DRC11L: variants seen among roughly 807,000 people sequenced by gnomAD.
DRC11L encodes dynein regulatory complex subunit like-11.
chr7:151,194,594 C>T, the DRC11L span: 5 of 399,554 alleles, frequency 1.3e-5, no homozygotes, highest in Non-Finnish European at 2.2e-5. Flanking sequence ...AGAGACTCCA[C>T]AGACCTGGCA....
the DRC11L span, among the ~76,000 whole-genome samples, chr7:151,205,256 A>G: frequency 2.0e-5 from 3 of 152,128 alleles, no homozygotes; most frequent in African/African-American, 7.2e-5. Context: ...CCCTTCCCCA[A>G]GCAGAGCCCT....
the DRC11L span, among the ~76,000 whole-genome samples, chr7:151,201,135 G>A: frequency 6.6e-6 from 1 of 152,264 alleles, no homozygotes; most frequent in African/African-American, 2.4e-5. This position sits in a 1 kb window ranked among gnomAD's most constrained non-coding sequence, Gnocchi z 4.1. Context: ...CTGGGCAGAG[G>A]AAGGCAGAGT....
chr7:151,198,971 G>C, the DRC11L span: 1 of 398,978 alleles, frequency 2.5e-6, no homozygotes, highest in Non-Finnish European at 4.4e-6. Context: ...GGGAGATGAT[G>C]CTCAGGTGCT....
the DRC11L span, chr7:151,191,652 C>A: frequency 5.0e-6 from 2 of 399,190 alleles, no homozygotes; most frequent in African/African-American, 4.1e-5. Flanking sequence ...AGGGACTCCT[C>A]CTCCTCCCTG....
the DRC11L span, chr7:151,195,413 C>T: frequency 2.8e-5 from 11 of 399,172 alleles, no homozygotes; most frequent in South Asian, 1.3e-4. Context: ...AAAGTGGGCA[C>T]GACAGGGTCC....
At chr7:151,199,356 A>C in the DRC11L span, among the ~76,000 whole-genome samples, 1 of 148,026 alleles carries the variant, frequency 6.8e-6, no homozygotes, top group African/African-American at 2.5e-5. The surrounding 1 kb of genome is among the most constrained non-coding windows in gnomAD (Gnocchi z 5.2). Context: ...TCTCGCAGCC[A>C]CTTTCCCGCC....
chr7:151,203,021 G>A, the DRC11L span: 66 of 399,752 alleles, frequency 1.7e-4, 1 homozygote, highest in South Asian at 6.8e-3. Context: ...AAGGTGGCTC[G>A]AAGCCGGCCT....
chr7:151,203,778 C>G, the DRC11L span, among the ~76,000 whole-genome samples: 1 of 152,168 alleles, frequency 6.6e-6, no homozygotes, highest in African/African-American at 2.4e-5. Flanking sequence ...TCACAATCAA[C>G]TGGGAAGCTC....
chr7:151,205,286 G>A, the DRC11L span, among the ~76,000 whole-genome samples: 13 of 152,110 alleles, frequency 8.5e-5, no homozygotes, highest in East Asian at 1.9e-4. Flanking sequence ...ATTAACCATC[G>A]GAGGGAAGTT....
At chr7:151,196,971 T>A in the DRC11L span, 1 of 399,216 alleles carries the variant, frequency 2.5e-6, no homozygotes, top group Non-Finnish European at 4.4e-6. Flanking sequence ...CCATCTCCCC[T>A]CTTACTTAAG....
the DRC11L span, chr7:151,197,769 C>T: frequency 2.5e-6 from 1 of 397,890 alleles, no homozygotes; most frequent in Admixed American, 4.4e-5. Context: ...TTCTCTGTAG[C>T]CTCAGGCTCC....
the DRC11L span, chr7:151,191,717 C>T: frequency 4.3e-5 from 17 of 399,128 alleles, no homozygotes; most frequent in South Asian, 1.3e-4. Flanking sequence ...CACCAGGGGC[C>T]GCTTGGACAG....
the DRC11L span, among the ~76,000 whole-genome samples, chr7:151,201,536 A>G: frequency 6.6e-6 from 1 of 152,234 alleles, no homozygotes; most frequent in Non-Finnish European, 1.5e-5. The surrounding 1 kb of genome is among the most constrained non-coding windows in gnomAD (Gnocchi z 4.1). Flanking sequence ...CAGTGTACTG[A>G]TAAGTAATGC....
chr7:151,202,695 A>T, the DRC11L span, among the ~76,000 whole-genome samples: 1 of 152,208 alleles, frequency 6.6e-6, no homozygotes, highest in Admixed American at 6.5e-5. Flanking sequence ...TACTAAAAAT[A>T]CAAAAATTAG....
At chr7:151,201,110 C>T in the DRC11L span, among the ~76,000 whole-genome samples, 1 of 152,244 alleles carries the variant, frequency 6.6e-6, no homozygotes, top group Non-Finnish European at 1.5e-5. The surrounding 1 kb of genome is among the most constrained non-coding windows in gnomAD (Gnocchi z 4.1). Flanking sequence ...CTAGTGGGGC[C>T]AGAGGGTGGG....
the DRC11L span, chr7:151,191,973 T>A: frequency 2.5e-6 from 1 of 398,350 alleles, no homozygotes; most frequent in South Asian, 1.4e-4. Flanking sequence ...TGGAAGGAGT[T>A]TTGTGCTCCG....
At chr7:151,204,924 C>T in the DRC11L span, 111 of 398,516 alleles carry the variant, frequency 2.8e-4, no homozygotes, top group Admixed American at 2.6e-4. Flanking sequence ...AGTGTGGGCT[C>T]GGGGTACCAG....
chr7:151,194,322 T>C, the DRC11L span: 1 of 399,084 alleles, frequency 2.5e-6, no homozygotes. Context: ...ATGGGCAACT[T>C]CTTCACCAAA....
chr7:151,198,952 G>C, the DRC11L span: 3 of 399,056 alleles, frequency 7.5e-6, no homozygotes, highest in Non-Finnish European at 1.3e-5. Context: ...TCCTCCACGA[G>C]GCATGGCTGG....
Sources: gnomAD v4.1 joint callset for allele counts (sites outside exome capture counted in the v4.1 genomes callset) on GRCh38, gnomAD v4.1.1 for gene constraint, Gnocchi (gnomAD v3.1) non-coding constraint, MANE v1.5 for transcripts, NCBI Gene and HGNC (gene_info 2026-07-23, HGNC 2026-07-21) for gene names.